Variants in OTUD7B observed in about 807,000 individuals in gnomAD.
OTUD7B encodes the protein OTU deubiquitinase 7B, also known as OTU domain-containing protein 7B.
Under a neutral mutation model 82.2 loss-of-function variants are expected in OTUD7B, and 34 were observed. That is an observed-to-expected ratio of 0.41 (90% CI 0.31 to 0.55). OTUD7B has a LOEUF of 0.55. OTUD7B is among the 20% of genes least tolerant of loss of function. OTUD7B has a pLI of 0.20. For synonymous variants in OTUD7B, 398 were observed against 402.7 expected (o/e 0.99, Z 0.14); for missense variants, 944 against 1,062.1 (o/e 0.89, Z 1.55).
chr1:150,027,952 A>T, the OTUD7B span, among the ~76,000 whole-genome samples: 3 of 152,212 alleles, frequency 2.0e-5, no homozygotes, highest in African/African-American at 7.2e-5. Context: ...AAATACAATT[A>T]AAAAAGCTTT....
chr1:149,943,337 G>A lies in OTUD7B; in HGVS notation c.*520C>T, dbSNP rs977568674. The A allele has an allele frequency of 3.2e-5, 5 of 155,452 alleles. No individual in the cohort carries two copies. Among genetic ancestry groups the A allele is most frequent in the African/African-American group, 1.2e-4 (5 of 41,418 alleles). 9.6% of individuals were successfully genotyped at this position (155,452 alleles called of 1,614,324 possible). On this transcript the variant is annotated 3_prime_UTR_variant, in exon 12 of 12. Coordinates refer to ENST00000581312, the MANE Select transcript of OTUD7B (RefSeq NM_020205.4). Reference sequence around the variant, plus strand: ...CTTGTCTTTCCAGATCCTTCAAGGGGAAGAATTTATCCAACCTTAATTTCT... The same window carrying A: ...CTTGTCTTTCCAGATCCTTCAAGGGAAAGAATTTATCCAACCTTAATTTCT...
chr1:150,039,214 A>G, the OTUD7B span, among the ~76,000 whole-genome samples: 4 of 152,166 alleles, frequency 2.6e-5, no homozygotes, highest in East Asian at 7.7e-4. Context: ...TCTTGTCTAT[A>G]TTCTCTCTTC....
intron 11 of OTUD7B, 95 bp from the exon 12 acceptor site, chr1:149,945,160 G>C: frequency 2.0e-6 from 3 of 1,472,240 alleles, no homozygotes; most frequent in Non-Finnish European, 2.7e-6. Context: ...GGCTCAGGGA[G>C]CTCCCTGCAG....
In OTUD7B at chr1:149,943,927, C is replaced by T. The variant is rs201775933; in HGVS notation, c.2462G>A (p.Cys821Tyr). ...CCTCCTCAGTTCTTCCCTGTAACAA[C>T]AGGAACAGAAGTTGTTTGTCTCAGG... ...GHPETNNFCS[C>Y]CYREELRRRE... The change falls in exon 12 of 12, where the codon TGT (cysteine) becomes TAT (tyrosine). Residue 821 changes from cysteine (C) to tyrosine (Y), a missense_variant. By Grantham distance (194) the Cys-to-Tyr change is radical (BLOSUM62 -2). Coordinates refer to ENST00000581312, the MANE Select transcript of OTUD7B (RefSeq NM_020205.4). 264 of 1,614,122 alleles carry T rather than the reference C, an allele frequency of 1.6e-4. No individual in the cohort carries two copies. Among genetic ancestry groups the T allele is most frequent in the Non-Finnish European group, 2.1e-4 (247 of 1,180,050 alleles).
At position 149,949,659 on chromosome 1, in the gene OTUD7B, T is replaced by G. The variant is rs1553772889; in HGVS notation, c.1093A>C (p.Met365Leu). 1 of 1,614,044 alleles carries G rather than the reference T, an allele frequency of 6.2e-7. No individual in the cohort carries two copies. ...DQAHFSALVS[M>L]EQKENTKEQA... is the part of the protein sequence containing the mutation. ...TCCTTGGTATTCTCCTTCTGCTCCA[T>G]GGACACGAGTGCAGAAAAGTGGGCC... The change falls in exon 9 of 12, where the codon ATG (methionine) becomes CTG (leucine). Residue 365 changes from methionine to leucine, a missense_variant. By Grantham distance (15) the Met-to-Leu change is conservative. Around this residue, in one of 3 missense-constraint regions of OTUD7B, gnomAD observed 530 missense variants for 625.6 expected, o/e 0.85. Transcript: ENST00000581312.
chr1:150,025,432 AACACACAC>A, the OTUD7B span, among the ~76,000 whole-genome samples: 3,118 of 147,000 alleles, frequency 0.021, 102 homozygotes, highest in African/African-American at 0.067. Context: ...AAGCAAACAA[AACACACAC>A]ACACACACAC....
At position 149,983,141 on chromosome 1, in the gene OTUD7B, C is replaced by T. The variant is rs587747258; in HGVS notation, c.-66-5565G>A. Among the ~76,000 whole-genome samples the T allele has an allele frequency of 4.6e-5, 7 of 152,300 alleles. No individual in the cohort carries two copies. The South Asian group carries it at 1.2e-3, about 27-fold the overall frequency. ...AAGTGCTGGGATTACAGGCGTGAGC[C>T]ACTGCGCCCGGCCTCCTCTGTACTT... is the stretch of plus-strand genomic sequence containing the variant. On this transcript the variant is annotated intron_variant, in intron 1 of 11. Coordinates refer to ENST00000581312, the MANE Select transcript of OTUD7B (RefSeq NM_020205.4).
chr1:149,958,672 A>G (rs1553775047), intron 7 of OTUD7B, among the ~76,000 whole-genome samples: 1 of 152,098 alleles, frequency 6.6e-6, no homozygotes, highest in Non-Finnish European at 1.5e-5. Flanking sequence ...AATTTTAACA[A>G]TAATCAAACA....
intron 1 of OTUD7B, among the ~76,000 whole-genome samples, chr1:149,991,328 G>A (rs1257542363): frequency 1.5e-4 from 23 of 152,040 alleles, no homozygotes; most frequent in Non-Finnish European, 5.9e-5. Flanking sequence ...CATTTCTACT[G>A]ATCGTACCTT....
At chr1:150,010,895 C>A (rs1432260165), upstream of OTUD7B, among the ~76,000 whole-genome samples, 1 of 152,158 alleles carries the variant, frequency 6.6e-6, no homozygotes, top group African/African-American at 2.4e-5. Flanking sequence ...CGCGTGACCC[C>A]GTGTTTTCCC....
At chr1:150,042,165 T>TCCTTCCTCCCTC in the OTUD7B span, among the ~76,000 whole-genome samples, 6 of 120,214 alleles carry the variant, frequency 5.0e-5, no homozygotes, top group African/African-American at 1.2e-4. Context: ...CTTCCTTCCT[T>TCCTTCCTCCCTC]CCTTCCTCCC....
chr1:150,001,210 T>C lies in OTUD7B; in HGVS notation c.-67+9238A>G, dbSNP rs587598525. Reference sequence around the variant, plus strand: ...AATGTTAATGTCCATCAAGTTGGGGTTGTAGACTCAAAATTGCCTGAGTTT... The same window carrying C: ...AATGTTAATGTCCATCAAGTTGGGGCTGTAGACTCAAAATTGCCTGAGTTT... On this transcript the variant is annotated intron_variant, in intron 1 of 11. Coordinates refer to ENST00000581312, the MANE Select transcript of OTUD7B (RefSeq NM_020205.4). Among the ~76,000 whole-genome samples the C allele has an allele frequency of 7.9e-5, 12 of 152,148 alleles. No homozygotes were observed. The South Asian group carries it at 2.5e-3, about 32-fold the overall frequency.
chr1:150,008,619 T>A (rs1652819855), intron 1 of OTUD7B, among the ~76,000 whole-genome samples: 1 of 152,180 alleles, frequency 6.6e-6, no homozygotes, highest in Non-Finnish European at 1.5e-5. Context: ...AATAAGGCAA[T>A]GACAATAAAA....
In OTUD7B at chr1:149,940,883, GA is replaced by G. The variant is rs1439328795; in HGVS notation, c.*2973del. On this transcript the variant is annotated 3_prime_UTR_variant, in exon 12 of 12. Coordinates refer to ENST00000581312, the MANE Select transcript of OTUD7B (RefSeq NM_020205.4). ...CCTTCACCTCCCCCCATCCCACCAA[GA>G]CCCTCCCCGAAAGAATGAAGCAAAA... 6.6e-6 allele frequency: 1 copy of G among 151,198 alleles called. No homozygotes were observed. Among genetic ancestry groups the G allele is most frequent in the Non-Finnish European group, 1.5e-5 (1 of 67,872 alleles). The allele number at this position is 151,198 out of a possible 1,614,324, so 9.4% of individuals were successfully genotyped here.
chr1:149,985,363 T>C (rs587718328), intron 1 of OTUD7B, among the ~76,000 whole-genome samples: 2 of 152,062 alleles, frequency 1.3e-5, no homozygotes, highest in Admixed American at 6.5e-5. Context: ...GCCAGGATCA[T>C]GCGACTGCAC....
At chr1:150,050,956 C>T in the OTUD7B span, among the ~76,000 whole-genome samples, 3 of 150,582 alleles carry the variant, frequency 2.0e-5, no homozygotes, top group Admixed American at 6.6e-5. Context: ...CGGCTGGGTG[C>T]GGTGGCTCAC....
intron 1 of OTUD7B, among the ~76,000 whole-genome samples, chr1:149,999,608 A>G (rs1275402944): frequency 3.9e-5 from 6 of 152,242 alleles, no homozygotes; most frequent in African/African-American, 9.6e-5. Flanking sequence ...ACACACCTAT[A>G]GTCCCAGCTA....
chr1:149,958,747 C>CT (rs199938808), intron 7 of OTUD7B, among the ~76,000 whole-genome samples: 149,832 of 151,728 alleles, frequency 0.99, 74,016 homozygotes, highest in East Asian at 1. Context: ...TGGTTGATGT[C>CT]TTTTTTTTCT....
the OTUD7B span, among the ~76,000 whole-genome samples, chr1:150,018,685 G>A: frequency 1.3e-5 from 2 of 152,094 alleles, no homozygotes; most frequent in Non-Finnish European, 2.9e-5. Flanking sequence ...AGAGGTCCAA[G>A]TCCTTCTCTG....
Sources: gnomAD v4.1 joint callset for allele counts (sites outside exome capture counted in the v4.1 genomes callset) on GRCh38, gnomAD v4.1.1 for gene constraint, gnomAD v4.1.1 regional missense constraint, MANE v1.5 for transcripts, NCBI Gene and HGNC (gene_info 2026-07-23, HGNC 2026-07-21) for gene names.